Variants in AP1S3 observed in about 807,000 individuals in gnomAD.
The protein encoded by AP1S3 is AP-1 complex subunit sigma-3.
In AP1S3, 10 loss-of-function variants were observed where a neutral mutation model predicts 20.9. The observed-to-expected ratio is 0.48, with a 90% CI of 0.29 to 0.81. The LOEUF (loss-of-function observed/expected upper bound fraction) is 0.81. Among genes scored for constraint, AP1S3 ranks in the 30% least tolerant of loss-of-function variants. The pLI is 0.08. For missense variants in AP1S3, 154 were observed against 183.8 expected, an observed-to-expected ratio of 0.84 and a Z score of 0.94; for synonymous variants, 41 against 61.5, an observed-to-expected ratio of 0.67 and a Z score of 1.56.
chr2:223,756,509 C>T lies in AP1S3; in HGVS notation c.*2206G>A, dbSNP rs1311146549. The T allele has an allele frequency of 1.2e-5, 12 of 976,762 alleles. No homozygotes were observed. Among genetic ancestry groups the T allele is most frequent in the Non-Finnish European group, 1.5e-5 (12 of 826,880 alleles). 60.5% of individuals were successfully genotyped at this position (976,762 alleles called of 1,614,324 possible). A position where few individuals can be genotyped will look rare whatever the true frequency, so the allele number is the denominator to read the frequency against. ...AAAAAAGAAAGAAAAAATTCTAACA[C>T]ATTAAAAAGTTAAACCACAAAACTG... On this transcript the variant is annotated 3_prime_UTR_variant, in exon 5 of 5. Coordinates refer to ENST00000396654, the MANE Select transcript of AP1S3 (RefSeq NM_001039569.2).
chr2:223,785,374 T>C (rs1410009396), intron 1 of AP1S3, among the ~76,000 whole-genome samples: 1 of 152,064 alleles, frequency 6.6e-6, no homozygotes, highest in African/African-American at 2.4e-5. Flanking sequence ...AAAGATTATA[T>C]TGTGTGTGTA....
At chr2:223,772,921 TCTA>T (rs932940159) in intron 3 of AP1S3, among the ~76,000 whole-genome samples, 1 of 152,202 alleles carries the variant, frequency 6.6e-6, no homozygotes, top group African/African-American at 2.4e-5. Flanking sequence ...GAACCGAACT[TCTA>T]CTGGGCATAT....
chr2:223,833,549 A>G (rs1386303653), intron 1 of AP1S3, among the ~76,000 whole-genome samples: 2 of 152,160 alleles, frequency 1.3e-5, no homozygotes, highest in East Asian at 3.8e-4. Flanking sequence ...GGAATCAAGA[A>G]CCATTTTCTG....
intron 1 of AP1S3, among the ~76,000 whole-genome samples, chr2:223,808,465 A>G (rs998357399): frequency 6.6e-6 from 1 of 152,194 alleles, no homozygotes; most frequent in Non-Finnish European, 1.5e-5. Flanking sequence ...ATTACCTGAA[A>G]CACTGCAGAA....
chr2:223,803,215 A>G (rs112215592), intron 1 of AP1S3, among the ~76,000 whole-genome samples: 1,703 of 152,300 alleles, frequency 0.011, 17 homozygotes, highest in Non-Finnish European at 0.017. Flanking sequence ...TTCCATATTC[A>G]AGCAGGTCAT....
At position 223,756,420 on chromosome 2, in the gene AP1S3, A is replaced by G. The variant is rs561468954; in HGVS notation, c.*2295T>C. ...AAGGAAGGAAGGGAGGGAAGGAGAG[A>G]GAGAGAAGAAGGAAGGAAGAAAGGA... On this transcript the variant is annotated 3_prime_UTR_variant, in exon 5 of 5. Transcript: ENST00000396654. 1.6e-6 allele frequency: 1 copy of G among 606,064 alleles called. No individual in the cohort carries two copies. The highest frequency in any genetic ancestry group is 2.3e-5 in the African/African-American group (1 of 44,420). The allele number at this position is 606,064 out of a possible 1,614,324, so 37.5% of individuals were successfully genotyped here.
At chr2:223,827,341 T>C (rs1411120563) in intron 1 of AP1S3, among the ~76,000 whole-genome samples, 1 of 152,310 alleles carries the variant, frequency 6.6e-6, no homozygotes, top group East Asian at 1.9e-4. Flanking sequence ...GTGATATTAC[T>C]GTAACCCTTA....
At chr2:223,784,587 A>G (rs1427279102) in intron 1 of AP1S3, among the ~76,000 whole-genome samples, 1 of 152,096 alleles carries the variant, frequency 6.6e-6, no homozygotes, top group Non-Finnish European at 1.5e-5. Flanking sequence ...AGTCTCTCTC[A>G]TCTTTAAAAA....
chr2:223,798,037 G>A (rs1691384955), intron 1 of AP1S3, among the ~76,000 whole-genome samples: 2 of 152,180 alleles, frequency 1.3e-5, no homozygotes, highest in African/African-American at 4.8e-5. Flanking sequence ...GAATATTACT[G>A]TCAAATCTAT....
intron 1 of AP1S3, among the ~76,000 whole-genome samples, chr2:223,799,208 GAC>G (rs10527751): frequency 0.02 from 2,976 of 145,904 alleles, 65 homozygotes; most frequent in African/African-American, 0.055. Context: ...TTCGGGCCTA[GAC>G]ACACACACAC....
intron 1 of AP1S3, among the ~76,000 whole-genome samples, chr2:223,834,589 A>AAAAG (rs1553528579): frequency 6.6e-6 from 1 of 151,876 alleles, no homozygotes; most frequent in Non-Finnish European, 1.5e-5. Flanking sequence ...GCCTTGTCTC[A>AAAAG]AAATAAATAA....
chr2:223,826,967 C>T (rs547512271), intron 1 of AP1S3, among the ~76,000 whole-genome samples: 6 of 152,146 alleles, frequency 3.9e-5, no homozygotes, highest in Non-Finnish European at 7.4e-5. Flanking sequence ...ATCCCCAGGG[C>T]CTTTTATACC....
Position 223,756,427 on chromosome 2 carries a change from A to AAG in AP1S3, c.*2287_*2288insCT. ...GAAGGGAGGGAAGGAGAGAGAGAGAAGAAGGAAGGAAGAAAGGAAGGAAAA... is the reference window on the plus strand; with the variant it reads ...GAAGGGAGGGAAGGAGAGAGAGAGAAAGGAAGGAAGGAAGAAAGGAAGGAAAA... On this transcript the variant is annotated 3_prime_UTR_variant, in exon 5 of 5. Coordinates refer to ENST00000396654, the MANE Select transcript of AP1S3 (RefSeq NM_001039569.2). 5 of 705,434 alleles carry AAG rather than the reference A, an allele frequency of 7.1e-6. No homozygotes were observed. Among genetic ancestry groups the AAG allele is most frequent in the African/African-American group, 2.0e-5 (1 of 49,918 alleles). 43.7% of individuals were successfully genotyped at this position (705,434 alleles called of 1,614,324 possible).
chr2:223,787,753 C>T (rs1691110300), intron 1 of AP1S3, among the ~76,000 whole-genome samples: 1 of 152,124 alleles, frequency 6.6e-6, no homozygotes, highest in South Asian at 2.1e-4. Flanking sequence ...ATATGCAACA[C>T]ACACACACAC....
intron 1 of AP1S3, among the ~76,000 whole-genome samples, chr2:223,830,166 T>C (rs566245045): frequency 6.6e-6 from 1 of 152,216 alleles, no homozygotes; most frequent in Admixed American, 6.5e-5. Flanking sequence ...GAGCCAAATA[T>C]ATTAGTGTGT....
chr2:223,787,732 A>G (rs1691109535), intron 1 of AP1S3, among the ~76,000 whole-genome samples: 1 of 151,702 alleles, frequency 6.6e-6, no homozygotes, highest in East Asian at 1.9e-4. Context: ...GCTAAGTGAA[A>G]ACGCACATGC....
At chr2:223,775,289 T>C (rs1690758040) in intron 3 of AP1S3, among the ~76,000 whole-genome samples, 1 of 152,240 alleles carries the variant, frequency 6.6e-6, no homozygotes, top group Non-Finnish European at 1.5e-5. Context: ...AAAAAGATTA[T>C]TGCATAGCAA....
intron 1 of AP1S3, among the ~76,000 whole-genome samples, chr2:223,798,237 G>A (rs932242161): frequency 6.6e-5 from 10 of 152,154 alleles, no homozygotes; most frequent in African/African-American, 1.2e-4. Flanking sequence ...GGCCTGTCAT[G>A]TCAGCCTTTT....
intron 1 of AP1S3, 104 bp downstream of exon 1, chr2:223,837,344 C>G (rs943444974): frequency 3.0e-5 from 17 of 560,122 alleles, no homozygotes; most frequent in Non-Finnish European, 4.2e-5. Context: ...GGACTCGGCC[C>G]GCACCCCCAC....
Sources: allele counts gnomAD v4.1 joint callset (sites outside exome capture counted in the v4.1 genomes callset), GRCh38; gene constraint gnomAD v4.1.1; transcripts MANE v1.5; gene names NCBI Gene and HGNC (gene_info 2026-07-23, HGNC 2026-07-21).